Variants in SPOCK3 observed in about 807,000 individuals in gnomAD.
The protein encoded by SPOCK3 is SPARC (osteonectin), cwcv and kazal like domains proteoglycan 3.
In SPOCK3, 30 loss-of-function variants were observed where a neutral mutation model predicts 56.6. The observed-to-expected ratio is 0.53, with a 90% CI of 0.40 to 0.72. SPOCK3 has a LOEUF of 0.72. SPOCK3 is among the 30% of genes least tolerant of loss of function. The pLI is 0.00. For synonymous variants in SPOCK3, 196 were observed against 183.3 expected (o/e 1.07, Z -0.56); for missense variants, 527 against 530.0 (o/e 0.99, Z 0.06).
intron 4 of SPOCK3, among the ~76,000 whole-genome samples, chr4:166,990,255 A>G (rs1413032805): frequency 6.6e-6 from 1 of 152,184 alleles, no homozygotes; most frequent in Non-Finnish European, 1.5e-5. Flanking sequence ...CAATGTGAGG[A>G]CAGAAATAAA....
intron 2 of SPOCK3, among the ~76,000 whole-genome samples, chr4:167,132,609 G>C (rs979251746): frequency 3.3e-5 from 5 of 152,158 alleles, no homozygotes; most frequent in Admixed American, 6.5e-5. Context: ...CCAAAGGCTA[G>C]GTGGCTTGAA....
rs372325943 is a variant in SPOCK3 at position 167,033,189 on chromosome 4, C to T, written c.235+29303G>A. On this transcript the variant is annotated intron_variant, in intron 3 of 10. Transcript: ENST00000357545. ...ACCAGTGCCGAGCATTATTATATGACTTCTTTAAACTAAAAGGAATTCTTC... is the reference window on the plus strand; with the variant it reads ...ACCAGTGCCGAGCATTATTATATGATTTCTTTAAACTAAAAGGAATTCTTC... Among the ~76,000 whole-genome samples the T allele has an allele frequency of 2.6e-5, 4 of 151,764 alleles. No homozygotes were observed. In the East Asian group the frequency reaches 7.8e-4, roughly 29 times the overall value.
chr4:167,140,454 C>A (rs932093326), intron 2 of SPOCK3, among the ~76,000 whole-genome samples: 5 of 151,960 alleles, frequency 3.3e-5, no homozygotes, highest in Admixed American at 1.3e-4. Context: ...TCAATTAGAT[C>A]CTCTTTTTCC....
rs191720031 is a variant in SPOCK3, at chr4:166,850,800, C to A, written c.589+38330G>T. ...TGCAACAGGAGATTATATCCCGCAC[C>A]TGGCTCGGAGGGTCCTACACCCACA... On this transcript the variant is annotated intron_variant, in intron 6 of 10. Coordinates refer to ENST00000357545, the MANE Select transcript of SPOCK3 (RefSeq NM_001040159.2). Among the ~76,000 whole-genome samples, 227 of 152,318 alleles carry A rather than the reference C, an allele frequency of 1.5e-3. 1 individual carries two copies. Among genetic ancestry groups the A allele is most frequent in the African/African-American group, 5.2e-3 (218 of 41,578 alleles).
At chr4:166,912,473 T>A in intron 5 of SPOCK3, 147 bp downstream of exon 5, 1 of 868,708 alleles carries the variant, frequency 1.2e-6, no homozygotes, top group Non-Finnish European at 1.7e-6. Flanking sequence ...GCACATTGAA[T>A]CATATTCCAA....
chr4:166,847,728 G>T (rs1331840495), intron 6 of SPOCK3, among the ~76,000 whole-genome samples: 2 of 135,756 alleles, frequency 1.5e-5, no homozygotes, highest in Non-Finnish European at 3.2e-5. Context: ...CAATTTTCAG[G>T]ATTATTTTAA....
chr4:167,127,474 C>G (rs1243478247), intron 2 of SPOCK3, among the ~76,000 whole-genome samples: 1 of 151,384 alleles, frequency 6.6e-6, no homozygotes, highest in African/African-American at 2.4e-5. Flanking sequence ...GTCGCCCAGG[C>G]TGAAGTGCAA....
At chr4:167,225,367 A>G (rs1736488766) in intron 2 of SPOCK3, among the ~76,000 whole-genome samples, 1 of 152,108 alleles carries the variant, frequency 6.6e-6, no homozygotes, top group African/African-American at 2.4e-5. Flanking sequence ...ACAGCTTGTG[A>G]GCAGAAAATC....
intron 3 of SPOCK3, among the ~76,000 whole-genome samples, chr4:167,054,794 A>G (rs953844775): frequency 6.6e-6 from 1 of 152,234 alleles, no homozygotes; most frequent in African/African-American, 2.4e-5. Context: ...CAAAAGGTAG[A>G]TCAGGTGTAC....
intron 2 of SPOCK3, among the ~76,000 whole-genome samples, chr4:167,230,369 T>C (rs1737033221): frequency 6.6e-6 from 1 of 151,916 alleles, no homozygotes; most frequent in Non-Finnish European, 1.5e-5. Context: ...CCAATTCTCC[T>C]AATATATTCA....
intron 4 of SPOCK3, among the ~76,000 whole-genome samples, chr4:166,980,590 G>A (rs1746467740): frequency 6.6e-6 from 1 of 152,232 alleles, no homozygotes; most frequent in Non-Finnish European, 1.5e-5. Flanking sequence ...GAGCAGAGTG[G>A]TGCAGGGTGC....
intron 6 of SPOCK3, among the ~76,000 whole-genome samples, chr4:166,794,210 CA>C (rs10710162): frequency 0.52 from 37,240 of 72,182 alleles, 5,572 homozygotes; most frequent in Middle Eastern, 0.6. Context: ...GGTGATAAGG[CA>C]AAAAAAAAAA....
intron 3 of SPOCK3, among the ~76,000 whole-genome samples, chr4:167,056,677 A>G (rs1277096794): frequency 6.6e-6 from 1 of 152,220 alleles, no homozygotes; most frequent in African/African-American, 2.4e-5. Context: ...ACTGGAAGAA[A>G]GGGTATCAGT....
chr4:166,797,632 C>A (rs761423099), intron 6 of SPOCK3, among the ~76,000 whole-genome samples: 33 of 151,862 alleles, frequency 2.2e-4, no homozygotes, highest in Non-Finnish European at 4.3e-4. Flanking sequence ...AACATTTTAA[C>A]ATTTTTTATA....
At chr4:166,790,377 T>C (rs755497820) in intron 7 of SPOCK3, among the ~76,000 whole-genome samples, 8 of 152,148 alleles carry the variant, frequency 5.3e-5, no homozygotes, top group Non-Finnish European at 8.8e-5. Context: ...AATTCACCCA[T>C]AGGGTGCACA....
rs1399615007 is a variant in SPOCK3 at position 167,205,281 on chromosome 4, T to C, written c.189+28704A>G. On this transcript the variant is annotated intron_variant, in intron 2 of 10. Coordinates refer to ENST00000357545, the MANE Select transcript of SPOCK3 (RefSeq NM_001040159.2). ...TATTTTATATCTATAATATATATTA[T>C]ATATATTTTATATCTATAATATATA... 7.0e-3 allele frequency among the ~76,000 whole-genome samples: 345 copies of C among 49,580 alleles called. 7 individuals carry two copies. The highest frequency in any genetic ancestry group is 0.022 in the African/African-American group (329 of 14,784). The allele number at this position is 49,580 out of a possible 152,430, so 32.5% of individuals were successfully genotyped here. A position where few individuals can be genotyped will look rare whatever the true frequency, so the allele number is the denominator to read the frequency against.
At chr4:167,219,513 G>A (rs1214104231) in intron 2 of SPOCK3, among the ~76,000 whole-genome samples, 1 of 152,126 alleles carries the variant, frequency 6.6e-6, no homozygotes, top group Non-Finnish European at 1.5e-5. Flanking sequence ...GTCTTGCAAT[G>A]TTTTACATAT....
At chr4:166,871,782 CA>C (rs1259805160) in intron 6 of SPOCK3, among the ~76,000 whole-genome samples, 2 of 149,452 alleles carry the variant, frequency 1.3e-5, no homozygotes, top group African/African-American at 4.9e-5. Flanking sequence ...GATATTTTAG[CA>C]AAAAAATATT....
chr4:166,779,348 C>T (rs957143222), intron 7 of SPOCK3, among the ~76,000 whole-genome samples: 1 of 151,746 alleles, frequency 6.6e-6, no homozygotes, highest in Non-Finnish European at 1.5e-5. Flanking sequence ...TTGGGATTAG[C>T]GGATATCATT....
Sources: allele counts gnomAD v4.1 joint callset (sites outside exome capture counted in the v4.1 genomes callset), GRCh38; gene constraint gnomAD v4.1.1; transcripts MANE v1.5; gene names NCBI Gene and HGNC (gene_info 2026-07-23, HGNC 2026-07-21).